Variants in TESK2 observed in about 807,000 individuals in gnomAD.
The protein encoded by TESK2 is testis associated actin remodelling kinase 2, also known as dual specificity testis-specific protein kinase 2.
A neutral mutation model predicts 57.1 loss-of-function variants in TESK2; 39 were observed. That is an observed-to-expected ratio of 0.68 (90% CI 0.53 to 0.89). The LOEUF (loss-of-function observed/expected upper bound fraction) is 0.89, where lower values mean the gene tolerates loss of function less well. TESK2 is among the 40% of genes least tolerant of loss of function. The probability of loss-of-function intolerance (pLI) is 0.00; values close to 1 mark genes in which losing one functional copy is unlikely to be tolerated. For missense variants in TESK2, 646 were observed against 732.1 expected, an observed-to-expected ratio of 0.88 and a Z score of 1.36; for synonymous variants, 249 against 267.9, an observed-to-expected ratio of 0.93 and a Z score of 0.69.
chr1:45,395,865 G>A (rs916708119), intron 3 of TESK2, among the ~76,000 whole-genome samples: 2 of 151,934 alleles, frequency 1.3e-5, no homozygotes, highest in African/African-American at 4.8e-5. Context: ...CTTCTTAACA[G>A]CAAGATACCA....
intron 5 of TESK2, among the ~76,000 whole-genome samples, chr1:45,354,786 C>CA (rs869075485): frequency 5.5e-4 from 24 of 43,316 alleles, no homozygotes; most frequent in African/African-American, 8.3e-4. Context: ...GAGACCGTCT[C>CA]AAAAAAAAAA....
At chr1:45,394,092 A>G (rs1649256838) in intron 3 of TESK2, among the ~76,000 whole-genome samples, 1 of 152,106 alleles carries the variant, frequency 6.6e-6, no homozygotes, top group South Asian at 2.1e-4. Flanking sequence ...TGATTACTCA[A>G]CTTTGTTATT....
intron 2 of TESK2, among the ~76,000 whole-genome samples, chr1:45,433,530 G>T (rs1244500492): frequency 2.0e-5 from 3 of 152,126 alleles, no homozygotes; most frequent in Non-Finnish European, 2.9e-5. Context: ...GTGAGAACTT[G>T]CAATATTAGT....
intron 2 of TESK2, among the ~76,000 whole-genome samples, chr1:45,426,721 T>C (rs555739445): frequency 6.6e-6 from 1 of 152,202 alleles, no homozygotes; most frequent in South Asian, 2.1e-4. Context: ...AACCAGAATA[T>C]ATAAGAAGTT....
At chr1:45,471,561 A>G (rs1652763726) in intron 1 of TESK2, among the ~76,000 whole-genome samples, 1 of 151,718 alleles carries the variant, frequency 6.6e-6, no homozygotes, top group African/African-American at 2.4e-5. Flanking sequence ...ACGCACCACT[A>G]TGCCCAGATA....
intron 3 of TESK2, among the ~76,000 whole-genome samples, chr1:45,396,755 C>A (rs1315434131): frequency 1.3e-5 from 2 of 149,728 alleles, no homozygotes; most frequent in African/African-American, 4.9e-5. Flanking sequence ...TCCCAAAGTG[C>A]TGGGATTACA....
chr1:45,424,842 A>G (rs1045670209), intron 2 of TESK2, among the ~76,000 whole-genome samples: 1 of 152,246 alleles, frequency 6.6e-6, no homozygotes, highest in Non-Finnish European at 1.5e-5. Context: ...TTAATGCTGA[A>G]AAAGCATTTG....
chr1:45,490,511 C>T lies in TESK2; in HGVS notation c.-87+341G>A, dbSNP rs1653675040. 2.6e-5 allele frequency among the ~76,000 whole-genome samples: 4 copies of T among 152,124 alleles called. No individual in the cohort carries two copies. The South Asian group carries it at 8.3e-4, about 32-fold the overall frequency. ...TCTGAGGCAGGAGCGGGTATGCGAG[C>T]AGGGAGGCGCTCAGTGGGGAGCTGG... On this transcript the variant is annotated intron_variant, in intron 1 of 10. Coordinates refer to ENST00000372086, the MANE Select transcript of TESK2 (RefSeq NM_007170.3).
chr1:45,345,982 G>C lies in TESK2; in HGVS notation c.892C>G (p.Leu298Val). The C allele has an allele frequency of 6.2e-7, 1 of 1,613,936 alleles. No individual in the cohort carries two copies. Among genetic ancestry groups the C allele is most frequent in the Non-Finnish European group, 8.5e-7 (1 of 1,179,788 alleles). The change falls in exon 10 of 11, where the codon CTG becomes GTG. Residue 298 changes from leucine (L) to valine (V), a missense_variant. Physicochemically the swap from Leu to Val is conservative, Grantham distance 32. Coordinates refer to ENST00000372086, the MANE Select transcript of TESK2 (RefSeq NM_007170.3). ...CCAATCTCCACAAAAGATGGGCGCA[G>C]TTTGGGATCCATCTGTAGGTATCCA... is the stretch of plus-strand genomic sequence containing the variant. The part of the protein sequence containing the change: ...TFNCCNMDPK[L>V]RPSFVEIGKT...
intron 5 of TESK2, among the ~76,000 whole-genome samples, chr1:45,352,724 G>T (rs887775109): frequency 4.6e-5 from 7 of 152,042 alleles, no homozygotes; most frequent in African/African-American, 1.7e-4. Flanking sequence ...CCAGGTATAG[G>T]AGACACTTGT....
intron 1 of TESK2, among the ~76,000 whole-genome samples, chr1:45,477,012 G>A: frequency 7.3e-6 from 1 of 137,390 alleles, no homozygotes; most frequent in South Asian, 2.4e-4. Flanking sequence ...ATGTTGACTA[G>A]ATTGGTCTTG....
intron 3 of TESK2, among the ~76,000 whole-genome samples, chr1:45,420,564 ATT>A (rs200053502): frequency 2.1e-4 from 26 of 125,700 alleles, no homozygotes; most frequent in Admixed American, 4.2e-4. Context: ...GCCAAATAAA[ATT>A]TTTTTTTTTT....
In TESK2 at chr1:45,404,734, G is replaced by T. The variant is rs1570696151; in HGVS notation, c.344+16991C>A. ...ATTTTTGTATTTTTATTAGAGACGG[G>T]GTTTCACTATGTTGGCCAGGTTAGT... is the stretch of plus-strand genomic sequence containing the variant. On this transcript the variant is annotated intron_variant, in intron 3 of 10. Transcript: ENST00000372086. 2.6e-5 allele frequency among the ~76,000 whole-genome samples: 4 copies of T among 151,934 alleles called. No homozygotes were observed. The South Asian group carries it at 8.3e-4, about 32-fold the overall frequency.
intron 4 of TESK2, among the ~76,000 whole-genome samples, chr1:45,358,398 A>C (rs1177187260): frequency 1.3e-5 from 2 of 151,922 alleles, no homozygotes; most frequent in African/African-American, 2.4e-5. Context: ...GATCACTTGA[A>C]CCTCAGGAGG....
At chr1:45,449,865 T>C (rs998866749) in intron 2 of TESK2, among the ~76,000 whole-genome samples, 4 of 152,344 alleles carry the variant, frequency 2.6e-5, no homozygotes, top group Non-Finnish European at 5.9e-5. Flanking sequence ...ATTGTCTAAA[T>C]ACAATTTTTT....
intron 3 of TESK2, among the ~76,000 whole-genome samples, chr1:45,392,390 C>T (rs143084126): frequency 0.014 from 2,182 of 152,238 alleles, 114 homozygotes; most frequent in East Asian, 0.099. Flanking sequence ...CAGGCATAAG[C>T]CACCGTGCTT....
At chr1:45,380,621 G>A (rs982655555) in intron 4 of TESK2, among the ~76,000 whole-genome samples, 2 of 152,052 alleles carry the variant, frequency 1.3e-5, no homozygotes, top group African/African-American at 2.4e-5. Flanking sequence ...CTTTATTTTA[G>A]GATGAAACTG....
At chr1:45,481,658 T>C (rs1653230341) in intron 1 of TESK2, among the ~76,000 whole-genome samples, 1 of 152,024 alleles carries the variant, frequency 6.6e-6, no homozygotes, top group Non-Finnish European at 1.5e-5. Flanking sequence ...ATTTTTTAAA[T>C]TTTTGGAGAT....
intron 3 of TESK2, chr1:45,415,256 T>C (rs1335308746): frequency 5.6e-6 from 8 of 1,434,894 alleles, no homozygotes; most frequent in Middle Eastern, 1.8e-4. Flanking sequence ...AAAGAAGGCA[T>C]GAATATTGTG....
Sources: allele counts gnomAD v4.1 joint callset (sites outside exome capture counted in the v4.1 genomes callset), GRCh38; gene constraint gnomAD v4.1.1; transcripts MANE v1.5; gene names NCBI Gene and HGNC (gene_info 2026-07-23, HGNC 2026-07-21).